ELMOD1: variants seen among roughly 807,000 people sequenced by gnomAD.
The protein encoded by ELMOD1 is ELMO domain-containing protein 1.
In ELMOD1, 21 loss-of-function variants were observed where a neutral mutation model predicts 46.7. The observed-to-expected ratio is 0.45, with a 90% confidence interval of 0.32 to 0.65. ELMOD1 has a LOEUF of 0.65. Ranked by LOEUF, ELMOD1 falls within the 30% of genes least tolerant of loss-of-function variation. ELMOD1 has a pLI of 0.04. For synonymous variants in ELMOD1, 122 were observed against 138.2 expected, an observed-to-expected ratio of 0.88 and a Z score of 0.82; for missense variants, 348 against 407.8, an observed-to-expected ratio of 0.85 and a Z score of 1.26.
intron 2 of ELMOD1, chr11:107,625,682 C>G (rs746171330): frequency 2.7e-5 from 13 of 474,658 alleles, no homozygotes; most frequent in Non-Finnish European, 3.6e-5. Context: ...AGATATGATC[C>G]ATTTCGAATA....
At chr11:107,635,878 A>C in intron 6 of ELMOD1, 113 bp downstream of exon 6, 1 of 1,091,200 alleles carries the variant, frequency 9.2e-7, no homozygotes, top group Non-Finnish European at 1.2e-6. Context: ...TGGATCAGAC[A>C]CGGGCACCTA....
chr11:107,650,401 C>T lies in ELMOD1; in HGVS notation c.621C>T (p.Cys207=). The T allele has an allele frequency of 6.3e-7, 1 of 1,581,646 alleles. No homozygotes were observed. Among genetic ancestry groups the T allele is most frequent in the Non-Finnish European group, 8.6e-7 (1 of 1,161,736 alleles). The change falls in exon 8 of 12, where the codon TGC becomes TGT. Residue 207 remains cysteine (C), a splice_region_variant and synonymous_variant. Transcript: ENST00000265840. ...QVLSDSLHPK[C]RDITKEEISK... is the part of the protein sequence containing the mutation. ...TGTCTGACTCTCTTCATCCGAAATG[C>T]AGGTAATTGTTGAAAGTAAAAGATG...
chr11:107,664,555 CATAAT>C, intron 11 of ELMOD1, among the ~76,000 whole-genome samples: 1 of 152,116 alleles, frequency 6.6e-6, no homozygotes. Flanking sequence ...TTTATTGTCT[CATAAT>C]AGAGTGTCAG....
At chr11:107,646,283 C>G (rs1485394281) in intron 6 of ELMOD1, among the ~76,000 whole-genome samples, 1 of 152,078 alleles carries the variant, frequency 6.6e-6, no homozygotes, top group African/African-American at 2.4e-5. Flanking sequence ...TACAATTGTG[C>G]AGTAATGTAT....
intron 1 of ELMOD1, among the ~76,000 whole-genome samples, chr11:107,613,641 A>C (rs533322044): frequency 8.5e-5 from 13 of 152,358 alleles, no homozygotes; most frequent in African/African-American, 3.1e-4. Context: ...CATCATTATG[A>C]AATAAAATTT....
chr11:107,607,905 G>C (rs1160970035), intron 1 of ELMOD1, among the ~76,000 whole-genome samples: 1 of 151,232 alleles, frequency 6.6e-6, no homozygotes, highest in African/African-American at 2.4e-5. Context: ...AGATATTACT[G>C]ATCTTGAATG....
At chr11:107,620,335 T>G (rs1464579442) in intron 2 of ELMOD1, 1 of 152,152 alleles carries the variant, frequency 6.6e-6, no homozygotes, top group Admixed American at 6.5e-5. Flanking sequence ...TTGATCTACA[T>G]TTAGGATACA....
intron 6 of ELMOD1, among the ~76,000 whole-genome samples, chr11:107,640,896 G>A (rs1246618205): frequency 6.6e-6 from 1 of 152,182 alleles, no homozygotes; most frequent in Non-Finnish European, 1.5e-5. Context: ...CTTAAAACCT[G>A]TGAATTATAG....
rs1216248423 is a variant in ELMOD1 at position 107,630,701 on chromosome 11, A to G, written c.165A>G (p.Glu55=). The change falls in exon 4 of 12, where the codon GAA becomes GAG. Residue 55 remains glutamate (E), a splice_region_variant and synonymous_variant. Coordinates refer to ENST00000265840, the MANE Select transcript of ELMOD1 (RefSeq NM_018712.4). ...CTGTTTTTGTTGCTGCTTTCACAGA[A>G]ACATCACTGAGGGATTCTAAAAGTA... The part of the protein sequence containing the change: ...KPGASRTMKI[E]TSLRDSKSKL... The G allele has an allele frequency of 6.2e-7, 1 of 1,608,460 alleles. No individual in the cohort carries two copies. Among genetic ancestry groups the G allele is most frequent in the Non-Finnish European group, 8.5e-7 (1 of 1,177,324 alleles).
chr11:107,603,775 G>C (rs1329365041), intron 1 of ELMOD1, among the ~76,000 whole-genome samples: 2 of 151,920 alleles, frequency 1.3e-5, no homozygotes, highest in Non-Finnish European at 2.9e-5. Flanking sequence ...CTACTCGGGA[G>C]GCTGAGGCAG....
chr11:107,650,527 C>G, intron 8 of ELMOD1, 124 bp downstream of exon 8: 1 of 751,280 alleles, frequency 1.3e-6, no homozygotes, highest in South Asian at 1.7e-5. Context: ...TCAAACAAGC[C>G]CTTGTAATAA....
chr11:107,604,771 T>G lies in ELMOD1; in HGVS notation c.-85-13334T>G, dbSNP rs535762673. 4.6e-5 allele frequency among the ~76,000 whole-genome samples: 7 copies of G among 152,330 alleles called. No homozygotes were observed. In the East Asian group the frequency reaches 1.2e-3, roughly 25 times the overall value. On this transcript the variant is annotated intron_variant, in intron 1 of 11. Coordinates refer to ENST00000265840, the MANE Select transcript of ELMOD1 (RefSeq NM_018712.4). ...CTTTTTTGCTTTACCTTATGAATTG[T>G]TGCAGACGCCCAGTCTAAATGGTCG... is the stretch of plus-strand genomic sequence containing the variant.
chr11:107,597,959 C>T (rs377327033), intron 1 of ELMOD1, among the ~76,000 whole-genome samples: 12 of 152,238 alleles, frequency 7.9e-5, no homozygotes, highest in African/African-American at 2.6e-4. Context: ...AATTAGACAA[C>T]GATGGAAGAT....
At chr11:107,630,383 C>G (rs753556889) in intron 2 of ELMOD1, 34 bp from the exon 3 acceptor site, 2 of 1,556,660 alleles carry the variant, frequency 1.3e-6, no homozygotes, top group South Asian at 1.2e-5. Flanking sequence ...TTCCAGAGTT[C>G]TATTGGAAGG....
At chr11:107,601,623 C>T (rs1865600978) in intron 1 of ELMOD1, among the ~76,000 whole-genome samples, 1 of 151,796 alleles carries the variant, frequency 6.6e-6, no homozygotes, top group Admixed American at 6.6e-5. Context: ...GCCACGTTGC[C>T]CAATCTAGTC....
chr11:107,644,474 C>CT (rs896778261), intron 6 of ELMOD1, among the ~76,000 whole-genome samples: 5 of 151,210 alleles, frequency 3.3e-5, no homozygotes, highest in Non-Finnish European at 5.9e-5. Context: ...TATATATATA[C>CT]TTTTTTTTCT....
chr11:107,640,391 A>G lies in ELMOD1; in HGVS notation c.420+4626A>G, dbSNP rs187190423. Among the ~76,000 whole-genome samples the G allele has an allele frequency of 7.2e-4, 110 of 152,328 alleles. 1 individual carries two copies. The highest frequency in any genetic ancestry group is 2.5e-3 in the African/African-American group (104 of 41,574). On this transcript the variant is annotated intron_variant, in intron 6 of 11. Transcript: ENST00000265840. ...ATATAAATGCATAATTTCGAAGTCA[A>G]CATTCATTTCACTGTGGACATAAGA... is the stretch of plus-strand genomic sequence containing the variant.
At chr11:107,610,787 A>G (rs1440038604) in intron 1 of ELMOD1, among the ~76,000 whole-genome samples, 1 of 152,094 alleles carries the variant, frequency 6.6e-6, no homozygotes, top group African/African-American at 2.4e-5. Flanking sequence ...GAAGTGTATC[A>G]TGGCCGCCTC....
chr11:107,659,663 GTGGATGGATGGATGGATGGATGGATGGA>G (rs773570377), intron 11 of ELMOD1, among the ~76,000 whole-genome samples: 1 of 89,972 alleles, frequency 1.1e-5, no homozygotes, highest in Non-Finnish European at 2.0e-5. Flanking sequence ...GGGTGGGTGG[GTGGATGGATGGATGGATGGATGGATGGA>G]TGGATGGATG....
Sources: gnomAD v4.1 joint callset for allele counts (sites outside exome capture counted in the v4.1 genomes callset) on GRCh38, gnomAD v4.1.1 for gene constraint, MANE v1.5 for transcripts, NCBI Gene and HGNC (gene_info 2026-07-23, HGNC 2026-07-21) for gene names.